Variants in FOXP2 observed in about 807,000 individuals in gnomAD.
The protein encoded by FOXP2 is forkhead box protein P2.
In FOXP2, 12 loss-of-function variants were observed where a neutral mutation model predicts 115.8. That is an observed-to-expected ratio of 0.10 (90% confidence interval 0.07 to 0.17). FOXP2 has a LOEUF of 0.17. Among genes scored for constraint, FOXP2 ranks in the 10% least tolerant of loss-of-function variants. The probability of loss-of-function intolerance (pLI) is 1.00; values close to 1 mark genes in which losing one functional copy is unlikely to be tolerated. For missense variants in FOXP2, 629 were observed against 843.5 expected, an observed-to-expected ratio of 0.75 and a Z score of 3.15; for synonymous variants, 328 against 297.7, an observed-to-expected ratio of 1.10 and a Z score of -1.05.
chr7:114,183,360 T>C (rs1389339396), intron 1 of FOXP2, among the ~76,000 whole-genome samples: 1 of 152,152 alleles, frequency 6.6e-6, no homozygotes, highest in Non-Finnish European at 1.5e-5. Context: ...AAACTGTCAG[T>C]TAAACAGAGA....
intron 2 of FOXP2, among the ~76,000 whole-genome samples, chr7:114,479,657 G>A (rs147945029): frequency 6.6e-6 from 1 of 151,332 alleles, no homozygotes; most frequent in African/African-American, 2.4e-5. Flanking sequence ...AAGTGTGTGT[G>A]TTTTAAAAAT....
At chr7:114,427,466 A>G (rs1200770174) in intron 2 of FOXP2, among the ~76,000 whole-genome samples, 4 of 151,610 alleles carry the variant, frequency 2.6e-5, no homozygotes, top group East Asian at 1.9e-4. Flanking sequence ...AAGTCTGTAG[A>G]AACAGTGACA....
rs531502112 is a variant in FOXP2 at position 114,280,125 on chromosome 7, A to T, written c.-101-7894A>T. 3.5e-4 allele frequency among the ~76,000 whole-genome samples: 52 copies of T among 147,014 alleles called. 1 individual carries two copies. Among genetic ancestry groups the T allele is most frequent in the African/African-American group, 1.0e-3 (40 of 39,558 alleles). ...ATAAATAAATAAATAAATAAATAAA[A>T]ACAGGTGGTTTTTGAAGAAATTCTT... On this transcript the variant is annotated intron_variant, in intron 1 of 17. Transcript: ENST00000634411.
At chr7:114,287,300 T>C (rs1352281557) in intron 1 of FOXP2, among the ~76,000 whole-genome samples, 1 of 151,988 alleles carries the variant, frequency 6.6e-6, no homozygotes, top group Non-Finnish European at 1.5e-5. Flanking sequence ...TAAGAAACTT[T>C]ACAAATTTGT....
intron 1 of FOXP2, among the ~76,000 whole-genome samples, chr7:114,089,880 A>G (rs1025422869): frequency 6.6e-6 from 1 of 152,022 alleles, no homozygotes; most frequent in East Asian, 1.9e-4. Context: ...ATATTGAAGT[A>G]TGTGAAAATA....
intron 3 of FOXP2, among the ~76,000 whole-genome samples, chr7:114,602,223 C>T (rs1389703442): frequency 2.6e-5 from 4 of 151,646 alleles, no homozygotes; most frequent in Non-Finnish European, 4.4e-5. Context: ...CAATTTTTAC[C>T]ATTCTGAAAT....
chr7:114,565,537 A>C (rs1179800534), intron 3 of FOXP2, among the ~76,000 whole-genome samples: 1 of 152,188 alleles, frequency 6.6e-6, no homozygotes, highest in Non-Finnish European at 1.5e-5. Context: ...GTAGCCTGGA[A>C]TACACAATCA....
intron 2 of FOXP2, among the ~76,000 whole-genome samples, chr7:114,365,102 T>C (rs1791846530): frequency 6.6e-6 from 1 of 152,204 alleles, no homozygotes; most frequent in Admixed American, 6.5e-5. Flanking sequence ...TTAATTTTTT[T>C]TCTTTTTGCA....
rs563665251 is a variant in FOXP2, at chr7:114,674,365, A to G, written c.2003+9929A>G. Reference sequence around the variant, plus strand: ...ATATGGAATGCAGAATCATTTGTTCACTCCAATTTTTGAATCCCCTTTTCA... The same window carrying G: ...ATATGGAATGCAGAATCATTTGTTCGCTCCAATTTTTGAATCCCCTTTTCA... On this transcript the variant is annotated intron_variant, in intron 16 of 16. Transcript: ENST00000350908. Among the ~76,000 whole-genome samples, 4 of 152,294 alleles carry G rather than the reference A, an allele frequency of 2.6e-5. No homozygotes were observed. In the South Asian group the frequency reaches 8.3e-4, roughly 32 times the overall value.
At chr7:114,196,500 G>T (rs981056621) in intron 1 of FOXP2, among the ~76,000 whole-genome samples, 5 of 152,118 alleles carry the variant, frequency 3.3e-5, no homozygotes, top group African/African-American at 1.2e-4. Context: ...CCTTTTGTCA[G>T]ATGGGTTCAC....
chr7:114,363,725 G>C (rs1173119384), intron 2 of FOXP2, among the ~76,000 whole-genome samples: 1 of 151,892 alleles, frequency 6.6e-6, no homozygotes, highest in Non-Finnish European at 1.5e-5. Context: ...AAACATGCTA[G>C]ATAAAGATGC....
intron 2 of FOXP2, among the ~76,000 whole-genome samples, chr7:114,338,503 A>G (rs1791110687): frequency 6.6e-6 from 1 of 151,090 alleles, no homozygotes; most frequent in African/African-American, 2.4e-5. Context: ...AATGTGCTAA[A>G]TCAAAAAATA....
chr7:114,623,488 A>G (rs143319822), intron 3 of FOXP2, among the ~76,000 whole-genome samples: 7 of 151,942 alleles, frequency 4.6e-5, no homozygotes, highest in Non-Finnish European at 8.8e-5. Context: ...ATGTATGTAA[A>G]ATAATCTGAG....
intron 1 of FOXP2, among the ~76,000 whole-genome samples, chr7:114,247,423 T>C (rs1468259243): frequency 6.6e-6 from 1 of 152,212 alleles, no homozygotes; most frequent in African/African-American, 2.4e-5. Flanking sequence ...CTAACCTCTG[T>C]TTCTTTTTTT....
At chr7:114,097,090 T>C (rs1799668831) in intron 1 of FOXP2, among the ~76,000 whole-genome samples, 1 of 152,236 alleles carries the variant, frequency 6.6e-6, no homozygotes, top group Admixed American at 6.5e-5. Flanking sequence ...CATATTTTAA[T>C]TACTCATCTT....
intron 2 of FOXP2, among the ~76,000 whole-genome samples, chr7:114,437,742 T>C (rs1392450103): frequency 6.6e-6 from 1 of 152,182 alleles, no homozygotes; most frequent in African/African-American, 2.4e-5. Flanking sequence ...AGAGTACCCT[T>C]ACCATCTCAT....
intron 2 of FOXP2, among the ~76,000 whole-genome samples, chr7:114,357,470 TCC>T (rs1299008237): frequency 2.6e-5 from 4 of 152,324 alleles, no homozygotes; most frequent in East Asian, 1.9e-4. Flanking sequence ...GTTTACCGTA[TCC>T]ATTCCCTTCA....
intron 1 of FOXP2, among the ~76,000 whole-genome samples, chr7:114,200,486 A>G (rs553109859): frequency 6.6e-6 from 1 of 152,352 alleles, no homozygotes; most frequent in African/African-American, 2.4e-5. Context: ...AGAAGAAGGC[A>G]TTATTTACTA....
At chr7:114,545,281 A>G (rs1799860363) in intron 3 of FOXP2, among the ~76,000 whole-genome samples, 1 of 152,218 alleles carries the variant, frequency 6.6e-6, no homozygotes, top group Non-Finnish European at 1.5e-5. Flanking sequence ...TGCAACAGTT[A>G]TTGAATCTCA....
Sources: allele counts gnomAD v4.1 joint callset (sites outside exome capture counted in the v4.1 genomes callset), GRCh38; gene constraint gnomAD v4.1.1; transcripts MANE v1.5; gene names NCBI Gene and HGNC (gene_info 2026-07-23, HGNC 2026-07-21).